RPAP2: variants seen among roughly 807,000 people sequenced by gnomAD.
RPAP2 encodes the protein putative RNA polymerase II subunit B1 CTD phosphatase RPAP2.
Under a neutral mutation model 73.1 loss-of-function variants are expected in RPAP2, and 52 were observed. That is an observed-to-expected ratio of 0.71 (90% CI 0.57 to 0.90). RPAP2 has a LOEUF of 0.90. Among genes scored for constraint, RPAP2 ranks in the 40% least tolerant of loss-of-function variants. RPAP2 has a pLI of 0.00. For missense variants in RPAP2, 598 were observed against 701.8 expected (o/e 0.85, Z 1.67); for synonymous variants, 225 against 242.1 (o/e 0.93, Z 0.65).
In RPAP2 at chr1:92,393,634, AAAG is replaced by A. The variant is rs1656110548; in HGVS notation, c.*6624_*6626del. The stretch of plus-strand genomic sequence containing the variant: ...AGAACTTAAACAAATTTACAAGAAA[AAAG>A]CAAACAACCCCATCAAAAAATGGGC... On this transcript the variant is annotated 3_prime_UTR_variant, in exon 13 of 13. Transcript: ENST00000610020. 6.6e-6 allele frequency: 1 copy of A among 152,210 alleles called. No homozygotes were observed. The highest frequency in any genetic ancestry group is 2.4e-5 in the African/African-American group (1 of 41,452). 9.4% of individuals were successfully genotyped at this position (152,210 alleles called of 1,614,324 possible).
chr1:92,308,170 A>G (rs1035146226), intron 6 of RPAP2, among the ~76,000 whole-genome samples: 6 of 152,108 alleles, frequency 3.9e-5, no homozygotes, highest in African/African-American at 1.2e-4. Context: ...TGCTGACAAC[A>G]GCACCTGTGA....
chr1:92,345,115 A>G (rs1382004589), intron 10 of RPAP2, among the ~76,000 whole-genome samples: 4 of 152,128 alleles, frequency 2.6e-5, no homozygotes, highest in Non-Finnish European at 5.9e-5. Flanking sequence ...TCATTTCTGT[A>G]AATTATGCAT....
In RPAP2 at chr1:92,400,434, C is replaced by T. The variant is rs959559461; in HGVS notation, c.*13423C>T. 1.3e-5 allele frequency: 2 copies of T among 152,354 alleles called. No individual in the cohort carries two copies. Among genetic ancestry groups the T allele is most frequent in the Admixed American group, 6.5e-5 (1 of 15,270 alleles). 9.4% of individuals were successfully genotyped at this position (152,354 alleles called of 1,614,324 possible). On this transcript the variant is annotated 3_prime_UTR_variant, in exon 13 of 13. Coordinates refer to ENST00000610020, the MANE Select transcript of RPAP2 (RefSeq NM_024813.3). ...TCCTGGCCTCAAGCGATCCTCCCAC[C>T]TCAACCTCCAGAGTATCTGGGACTA...
At chr1:92,362,847 T>C (rs1654786875) in intron 11 of RPAP2, among the ~76,000 whole-genome samples, 2 of 152,128 alleles carry the variant, frequency 1.3e-5, no homozygotes, top group African/African-American at 4.8e-5. Context: ...AATAAAAAAA[T>C]TGCCAGGTTA....
intron 11 of RPAP2, among the ~76,000 whole-genome samples, chr1:92,373,983 G>T (rs1399442058): frequency 1.3e-5 from 2 of 152,070 alleles, no homozygotes; most frequent in African/African-American, 4.8e-5. Flanking sequence ...TAAAGGACTA[G>T]ATCATAAATA....
chr1:92,381,342 C>T (rs1051941397), intron 12 of RPAP2, among the ~76,000 whole-genome samples: 3 of 152,186 alleles, frequency 2.0e-5, no homozygotes, highest in Non-Finnish European at 2.9e-5. Context: ...ACAAGTCTGA[C>T]TTTGTTGAAT....
At chr1:92,372,088 A>G (rs1655180222) in intron 11 of RPAP2, among the ~76,000 whole-genome samples, 1 of 152,202 alleles carries the variant, frequency 6.6e-6, no homozygotes, top group African/African-American at 2.4e-5. Flanking sequence ...CACATATTTC[A>G]AAACATCATG....
intron 9 of RPAP2, 141 bp from the exon 10 acceptor site, chr1:92,336,206 A>G (rs927004786): frequency 1.6e-6 from 1 of 633,264 alleles, no homozygotes. Context: ...CTCACCAATC[A>G]TAACCTAGGT....
intron 11 of RPAP2, 137 bp downstream of exon 11, chr1:92,346,051 C>A: frequency 1.8e-6 from 1 of 542,020 alleles, no homozygotes; most frequent in Non-Finnish European, 3.2e-6. Context: ...TTTTCCTTTC[C>A]TATGTAAGAA....
chr1:92,305,450 A>AAAAAAAAAAAAAAAAAAAAAAAAAAAC (rs1202528088), intron 5 of RPAP2, among the ~76,000 whole-genome samples: 1 of 141,852 alleles, frequency 7.0e-6, no homozygotes, highest in African/African-American at 3.0e-5. Context: ...AAAAAAAAAA[A>AAAAAAAAAAAAAAAAAAAAAAAAAAAC]AGACAATATG....
chr1:92,355,544 T>TC (rs1311222915), intron 11 of RPAP2, among the ~76,000 whole-genome samples: 1 of 152,212 alleles, frequency 6.6e-6, no homozygotes, highest in East Asian at 1.9e-4. Flanking sequence ...TTGTTAGGTA[T>TC]CTCCATCATA....
At position 92,299,159 on chromosome 1, in the gene RPAP2, A is replaced by C. The variant is rs1242441898; in HGVS notation, c.73+13A>C. ...CGAAAAGCCGCAGGTAGGAGCAAGGATCTCTTCCCACTTTTGGACCCTGAA... is the reference window on the plus strand; with the variant it reads ...CGAAAAGCCGCAGGTAGGAGCAAGGCTCTCTTCCCACTTTTGGACCCTGAA... On this transcript the variant is annotated intron_variant, in intron 1 of 12. Coordinates refer to ENST00000610020, the MANE Select transcript of RPAP2 (RefSeq NM_024813.3). The C allele has an allele frequency of 2.0e-6, 3 of 1,479,222 alleles. No individual in the cohort carries two copies. The highest frequency in any genetic ancestry group is 1.4e-5 in the African/African-American group (1 of 69,778). The allele number at this position is 1,479,222 out of a possible 1,614,324, so 91.6% of individuals were successfully genotyped here. A position where few individuals can be genotyped will look rare whatever the true frequency, so the allele number is the denominator to read the frequency against.
rs1207612222 is a variant in RPAP2, at chr1:92,326,560, G to A, written c.1455+2185G>A. Among the ~76,000 whole-genome samples, 13 of 152,300 alleles carry A rather than the reference G, an allele frequency of 8.5e-5. No homozygotes were observed. The East Asian group carries it at 2.5e-3, about 29-fold the overall frequency. On this transcript the variant is annotated intron_variant, in intron 8 of 12. Transcript: ENST00000610020. ...GCCCTTTGTCTTCAGCTACCGGAGT[G>A]GGTAGGGAAGGACCGTCATGGGGGC...
intron 2 of RPAP2, among the ~76,000 whole-genome samples, chr1:92,300,760 A>G (rs1650784061): frequency 6.6e-6 from 1 of 152,190 alleles, no homozygotes; most frequent in African/African-American, 2.4e-5. Context: ...CTAATCTTAT[A>G]TTGGCTTTGG....
At position 92,396,312 on chromosome 1, in the gene RPAP2, G is replaced by A. The variant is rs1473052616; in HGVS notation, c.*9301G>A. On this transcript the variant is annotated 3_prime_UTR_variant, in exon 13 of 13. Coordinates refer to ENST00000610020, the MANE Select transcript of RPAP2 (RefSeq NM_024813.3). ...GCCTCCTCAGTAACTGGGACTGCAG[G>A]CAGGCACCAACATACCCAGATTATT... 1 of 151,858 alleles carries A rather than the reference G, an allele frequency of 6.6e-6. No homozygotes were observed. The highest frequency in any genetic ancestry group is 1.9e-4 in the East Asian group (1 of 5,182). The allele number at this position is 151,858 out of a possible 1,614,324, so 9.4% of individuals were successfully genotyped here. A position where few individuals can be genotyped will look rare whatever the true frequency, so the allele number is the denominator to read the frequency against.
At chr1:92,311,780 C>G (rs1651607504) in intron 6 of RPAP2, among the ~76,000 whole-genome samples, 1 of 152,172 alleles carries the variant, frequency 6.6e-6, no homozygotes, top group African/African-American at 2.4e-5. Context: ...AGTTATGTTT[C>G]CACTATACTG....
chr1:92,355,848 A>G (rs1326613301), intron 11 of RPAP2, among the ~76,000 whole-genome samples: 1 of 152,216 alleles, frequency 6.6e-6, no homozygotes, highest in Non-Finnish European at 1.5e-5. Context: ...CCAAAATTCT[A>G]AAAAATCCAA....
At chr1:92,318,317 T>C (rs1215400309) in intron 6 of RPAP2, among the ~76,000 whole-genome samples, 9 of 152,216 alleles carry the variant, frequency 5.9e-5, no homozygotes, top group East Asian at 5.8e-4. Context: ...GGAAATATTA[T>C]GTTACTCACT....
At chr1:92,338,740 T>C (rs535226839) in intron 10 of RPAP2, among the ~76,000 whole-genome samples, 2 of 151,836 alleles carry the variant, frequency 1.3e-5, no homozygotes, top group East Asian at 3.9e-4. Context: ...AGCCTTAACT[T>C]CTGGGCTCAA....
Sources: allele counts gnomAD v4.1 joint callset (sites outside exome capture counted in the v4.1 genomes callset), GRCh38; gene constraint gnomAD v4.1.1; transcripts MANE v1.5; gene names NCBI Gene and HGNC (gene_info 2026-07-23, HGNC 2026-07-21).